CUX1: variants seen among roughly 807,000 people sequenced by gnomAD.
CUX1 encodes the protein protein CASP.
In CUX1, 31 loss-of-function variants were observed where a neutral mutation model predicts 158.8. The observed-to-expected ratio is 0.20, with a 90% CI of 0.15 to 0.26. CUX1 has a LOEUF of 0.26. Ranked by LOEUF, CUX1 falls within the 10% of genes least tolerant of loss-of-function variation. The pLI is 1.00. For missense variants in CUX1, 1,589 were observed against 2,014.6 expected, an observed-to-expected ratio of 0.79 and a Z score of 4.04; for synonymous variants, 879 against 862.1, an observed-to-expected ratio of 1.02 and a Z score of -0.34.
In CUX1 at chr7:101,991,189, G is replaced by T. The variant is rs530433494; in HGVS notation, c.142-36909G>T. 3.3e-5 allele frequency among the ~76,000 whole-genome samples: 5 copies of T among 152,178 alleles called. No individual in the cohort carries two copies. The East Asian group carries it at 9.7e-4, about 29-fold the overall frequency. Reference sequence around the variant, plus strand: ...CTAGTTTCACTTCTTTAAAAATACCGTAAAAAAGAAAAAGGCTGTCAAAAC... The same window carrying T: ...CTAGTTTCACTTCTTTAAAAATACCTTAAAAAAGAAAAAGGCTGTCAAAAC... On this transcript the variant is annotated intron_variant, in intron 2 of 23. Coordinates refer to ENST00000292535, the MANE Select transcript of CUX1 (RefSeq NM_181552.4).
intron 23 of CUX1, among the ~76,000 whole-genome samples, chr7:102,245,325 T>C (rs999928229): frequency 6.6e-6 from 1 of 152,208 alleles, no homozygotes. Flanking sequence ...ATTATAGGCA[T>C]GAGTCCCTGC....
At chr7:102,077,549 A>AAAG (rs1826906635) in intron 4 of CUX1, among the ~76,000 whole-genome samples, 1 of 149,890 alleles carries the variant, frequency 6.7e-6, no homozygotes, top group Admixed American at 6.6e-5. Context: ...AAAAAAAAAA[A>AAAG]GATGAACAAG....
chr7:102,060,581 A>G (rs1450493900), intron 3 of CUX1, among the ~76,000 whole-genome samples: 1 of 116,118 alleles, frequency 8.6e-6, no homozygotes, highest in Non-Finnish European at 1.9e-5. Context: ...ACATATATAC[A>G]TATATATATA....
At chr7:102,210,160 G>A (rs559217380) in intron 20 of CUX1, among the ~76,000 whole-genome samples, 5 of 152,088 alleles carry the variant, frequency 3.3e-5, no homozygotes, top group East Asian at 3.9e-4. Context: ...GCAGTGGCGC[G>A]ATCTCGACTC....
In CUX1 at chr7:102,131,177, G is replaced by A. The variant is rs144018916; in HGVS notation, c.674+15904G>A. Among the ~76,000 whole-genome samples, 4 of 151,644 alleles carry A rather than the reference G, an allele frequency of 2.6e-5. No individual in the cohort carries two copies. In the East Asian group the frequency reaches 7.7e-4, roughly 29 times the overall value. ...ATATATAGATGACCGGCTGTTCTGC[G>A]GTTTCCGTGGAAAGCCCAAATGTAA... On this transcript the variant is annotated intron_variant, in intron 8 of 23. Transcript: ENST00000292535.
At position 102,252,497 on chromosome 7, in the gene CUX1, C is replaced by G. The variant is rs1554540509; in HGVS notation, c.*3455C>G. 1 of 985,314 alleles carries G rather than the reference C, an allele frequency of 1.0e-6. No homozygotes were observed. Among genetic ancestry groups the G allele is most frequent in the African/African-American group, 1.7e-5 (1 of 57,234 alleles). 61.0% of individuals were successfully genotyped at this position (985,314 alleles called of 1,614,324 possible). ...CACTTAATTACAAGCTCCATTATGC[C>G]ATTTTAAATGGCTTCTTTTTGTTAA... On this transcript the variant is annotated 3_prime_UTR_variant, in exon 24 of 24. Transcript: ENST00000292535.
intron 11 of CUX1, 145 bp from the exon 12 acceptor site, chr7:102,189,667 AG>A: frequency 1.2e-6 from 1 of 803,076 alleles, no homozygotes; most frequent in South Asian, 1.6e-5. Context: ...GAGGGACAAA[AG>A]ATGGCCCCAG....
chr7:102,154,705 A>G (rs1836071961), intron 8 of CUX1, among the ~76,000 whole-genome samples: 1 of 152,240 alleles, frequency 6.6e-6, no homozygotes, highest in Non-Finnish European at 1.5e-5. Flanking sequence ...AAATAGCAAA[A>G]TATAAAAGAA....
intron 8 of CUX1, among the ~76,000 whole-genome samples, chr7:102,121,846 G>A (rs921564483): frequency 1.3e-5 from 2 of 152,144 alleles, no homozygotes; most frequent in East Asian, 1.9e-4. Context: ...GACCACGGCG[G>A]TCTTCAAAGC....
At chr7:102,084,733 C>T (rs371800409) in intron 4 of CUX1, among the ~76,000 whole-genome samples, 1 of 116,782 alleles carries the variant, frequency 8.6e-6, no homozygotes, top group South Asian at 2.7e-4. Context: ...ACAATATATA[C>T]TTTATTGATG....
intron 3 of CUX1, among the ~76,000 whole-genome samples, chr7:102,037,830 G>A (rs1585370023): frequency 2.6e-5 from 4 of 151,984 alleles, no homozygotes; most frequent in South Asian, 2.1e-4. Context: ...TGAGGCAGGC[G>A]GATCACTTGA....
At chr7:101,972,421 A>G (rs899455174) in intron 2 of CUX1, among the ~76,000 whole-genome samples, 1 of 152,136 alleles carries the variant, frequency 6.6e-6, no homozygotes, top group Non-Finnish European at 1.5e-5. Flanking sequence ...ATCGATCAGA[A>G]TTTTCTTGCC....
chr7:101,844,735 C>G (rs1795510769), intron 1 of CUX1, among the ~76,000 whole-genome samples: 1 of 152,170 alleles, frequency 6.6e-6, no homozygotes, highest in South Asian at 2.1e-4. Flanking sequence ...TGTGCCTCAG[C>G]CTTTTGAGTA....
In CUX1 at chr7:101,877,622, G is replaced by T. The variant is rs568747958; in HGVS notation, c.31-38493G>T. Among the ~76,000 whole-genome samples, 28 of 152,204 alleles carry T rather than the reference G, an allele frequency of 1.8e-4. 1 individual carries two copies. The highest frequency in any genetic ancestry group is 1.1e-3 in the Admixed American group (17 of 15,274). On this transcript the variant is annotated intron_variant, in intron 1 of 23. Coordinates refer to ENST00000292535, the MANE Select transcript of CUX1 (RefSeq NM_181552.4). Reference sequence around the variant, plus strand: ...GAATCGCTTGAGCCCAGGAGGTGGAGGTTTCAGTGAGCCGAGACCGTCCCA... The same window carrying T: ...GAATCGCTTGAGCCCAGGAGGTGGATGTTTCAGTGAGCCGAGACCGTCCCA...
rs114208506 is a variant in CUX1 at position 102,132,719 on chromosome 7, T to C, written c.674+17446T>C. Among the ~76,000 whole-genome samples, 1,162 of 147,890 alleles carry C rather than the reference T, an allele frequency of 7.9e-3. 16 individuals are homozygous for C. Among genetic ancestry groups the C allele is most frequent in the African/African-American group, 0.028 (1,118 of 39,464 alleles). On this transcript the variant is annotated intron_variant, in intron 8 of 23. Transcript: ENST00000292535. Reference sequence around the variant, plus strand: ...TTTTTTGAGACAGGGTCTCGCTCTGTCACTTGCAGTGGCGCAATCTCTGCT... The same window carrying C: ...TTTTTTGAGACAGGGTCTCGCTCTGCCACTTGCAGTGGCGCAATCTCTGCT...
At chr7:101,939,156 A>T (rs1487153145) in intron 2 of CUX1, among the ~76,000 whole-genome samples, 2 of 135,042 alleles carry the variant, frequency 1.5e-5, no homozygotes, top group African/African-American at 5.6e-5. Context: ...GCCTCTATGT[A>T]GTCAGTCCCT....
intron 1 of CUX1, among the ~76,000 whole-genome samples, chr7:101,854,249 T>C (rs1796563766): frequency 6.6e-6 from 1 of 152,222 alleles, no homozygotes; most frequent in Non-Finnish European, 1.5e-5. Context: ...GTTTTGGTTT[T>C]GTCTTTCAAA....
intron 15 of CUX1, among the ~76,000 whole-genome samples, chr7:102,273,676 G>A (rs1282857931): frequency 6.6e-6 from 1 of 152,148 alleles, no homozygotes; most frequent in Non-Finnish European, 1.5e-5. Context: ...CCTCCGATTT[G>A]GGGTGACAGG....
At chr7:101,950,756 G>A (rs1470211921) in intron 2 of CUX1, among the ~76,000 whole-genome samples, 1 of 151,782 alleles carries the variant, frequency 6.6e-6, no homozygotes, top group East Asian at 1.9e-4. Context: ...TCACTACGTT[G>A]GCCAGGCTGG....
Sources: allele counts gnomAD v4.1 joint callset (sites outside exome capture counted in the v4.1 genomes callset), GRCh38; gene constraint gnomAD v4.1.1; transcripts MANE v1.5; gene names NCBI Gene and HGNC (gene_info 2026-07-23, HGNC 2026-07-21).